The following PRDX6 variants were observed in gnomAD, a reference collection of about 807,000 sequenced individuals.
PRDX6 encodes the protein peroxiredoxin 6.
PRDX6 carries 13 observed loss-of-function variants against 20.0 expected under a neutral mutation model. That is an observed-to-expected ratio of 0.65 (90% CI 0.42 to 1.03). The LOEUF (loss-of-function observed/expected upper bound fraction) is 1.03, where lower values mean the gene tolerates loss of function less well. PRDX6 is among the 50% of genes least tolerant of loss of function. The pLI, the probability that PRDX6 is intolerant of heterozygous loss-of-function variation, is 0.00. For missense variants in PRDX6, 203 were observed against 276.9 expected, an observed-to-expected ratio of 0.73 and a Z score of 1.89; for synonymous variants, 85 against 100.8, an observed-to-expected ratio of 0.84 and a Z score of 0.94.
At chr1:173,487,271 C>A (rs944891231) in intron 4 of PRDX6, among the ~76,000 whole-genome samples, 1 of 152,118 alleles carries the variant, frequency 6.6e-6, no homozygotes, top group Non-Finnish European at 1.5e-5. Context: ...GAAGATGTGA[C>A]CAAGGCATGT....
Position 173,488,440 on chromosome 1 carries a change from A to G in PRDX6, c.*577A>G, listed in dbSNP as rs918179063. 2.0e-5 allele frequency: 3 copies of G among 152,088 alleles called. No homozygotes were observed. The highest frequency in any genetic ancestry group is 2.1e-4 in the South Asian group (1 of 4,820). The allele number at this position is 152,088 out of a possible 1,614,324, so 9.4% of individuals were successfully genotyped here. A position where few individuals can be genotyped will look rare whatever the true frequency, so the allele number is the denominator to read the frequency against. ...AATACATCTTGATCACAGCTGGGGG[A>G]AAAAAAGCTTTTTAATTCTATACCT... is the stretch of plus-strand genomic sequence containing the variant. On this transcript the variant is annotated 3_prime_UTR_variant, in exon 5 of 5. Coordinates refer to ENST00000340385, the MANE Select transcript of PRDX6 (RefSeq NM_004905.3).
chr1:173,487,981 T>TAC lies in PRDX6; in HGVS notation c.*119_*120dup. On this transcript the variant is annotated 3_prime_UTR_variant, in exon 5 of 5. Transcript: ENST00000340385. The stretch of plus-strand genomic sequence containing the variant: ...CACAGCCAAGGTTTTTAGGTTGCTA[T>TAC]ACCAATGGCTTATTAAATGAAAATG... 1 of 1,231,236 alleles carries TAC rather than the reference T, an allele frequency of 8.1e-7. No individual in the cohort carries two copies. Among genetic ancestry groups the TAC allele is most frequent in the Non-Finnish European group, 1.1e-6 (1 of 889,052 alleles). The allele number at this position is 1,231,236 out of a possible 1,614,324, so 76.3% of individuals were successfully genotyped here. A position where few individuals can be genotyped will look rare whatever the true frequency, so the allele number is the denominator to read the frequency against.
At chr1:173,481,232 G>T in intron 1 of PRDX6, 94 bp from the exon 2 acceptor site, 1 of 1,231,280 alleles carries the variant, frequency 8.1e-7, no homozygotes. Flanking sequence ...AAAAAAGAAA[G>T]CCTGTTTTTG....
chr1:173,482,585 T>C (rs1215059313), intron 2 of PRDX6, among the ~76,000 whole-genome samples: 1 of 152,260 alleles, frequency 6.6e-6, no homozygotes, highest in African/African-American at 2.4e-5. Flanking sequence ...TTTTAAGAAC[T>C]TGACTGCACT....
chr1:173,484,234 C>CAT lies in PRDX6; in HGVS notation c.253-1118_253-1117dup, dbSNP rs564365621. On this transcript the variant is annotated intron_variant, in intron 2 of 4. Transcript: ENST00000340385. ...TGCACACGTATATAATATATATACA[C>CAT]ATATATATATGTGTGTGTGCATATA... Among the ~76,000 whole-genome samples, 7 of 145,998 alleles carry CAT rather than the reference C, an allele frequency of 4.8e-5. No homozygotes were observed. In the East Asian group the frequency reaches 7.9e-4, roughly 16 times the overall value.
chr1:173,486,281 G>T lies in PRDX6; in HGVS notation c.426G>T (p.Lys142Asn). ...TGTTTGTTTTTGGTCCTGATAAGAA[G>T]CTGAAGCTGTCTATCCTCTACCCAG... is the stretch of plus-strand genomic sequence containing the variant. ...RVVFVFGPDK[K>N]LKLSILYPAT... The change falls in exon 4 of 5, where the codon AAG becomes AAT. Residue 142 changes from lysine (K) to asparagine (N), a missense_variant. Physicochemically the swap from Lys to Asn is moderately conservative, Grantham distance 94. Coordinates refer to ENST00000340385, the MANE Select transcript of PRDX6 (RefSeq NM_004905.3). 6.2e-7 allele frequency: 1 copy of T among 1,608,568 alleles called. No individual in the cohort carries two copies. The highest frequency in any genetic ancestry group is 8.5e-7 in the Non-Finnish European group (1 of 1,177,902).
intron 1 of PRDX6, 194 bp from the exon 2 acceptor site, chr1:173,481,132 A>G (rs1001717781): frequency 2.1e-5 from 12 of 573,694 alleles, no homozygotes; most frequent in African/African-American, 1.9e-4. Context: ...GAATTGGGCT[A>G]TAAGCATAGG....
At chr1:173,481,556 G>C in intron 2 of PRDX6, 74 bp downstream of exon 2, 1 of 1,480,512 alleles carries the variant, frequency 6.8e-7, no homozygotes, top group Non-Finnish European at 9.3e-7. Context: ...ACTTGGTTTT[G>C]AGGTTAAGGT....
intron 1 of PRDX6, among the ~76,000 whole-genome samples, chr1:173,478,766 T>TA (rs1026083764): frequency 1.3e-5 from 2 of 152,192 alleles, no homozygotes; most frequent in African/African-American, 4.8e-5. Context: ...GACAGATTCT[T>TA]ACACATCATA....
chr1:173,487,102 C>T (rs959859011), intron 4 of PRDX6, among the ~76,000 whole-genome samples: 6 of 152,104 alleles, frequency 3.9e-5, no homozygotes, highest in African/African-American at 1.4e-4. Context: ...ACTTCCATTC[C>T]AGTGAGTGGA....
At chr1:173,486,009 T>C (rs928132330) in intron 3 of PRDX6, among the ~76,000 whole-genome samples, 19 of 152,242 alleles carry the variant, frequency 1.2e-4, no homozygotes, top group Admixed American at 1.1e-3. Flanking sequence ...TAAATTTGCA[T>C]ATCAGTTTTT....
chr1:173,487,813 A>G lies in PRDX6; in HGVS notation c.625A>G (p.Lys209Glu). 1 of 1,613,932 alleles carries G rather than the reference A, an allele frequency of 6.2e-7. No homozygotes were observed. Among genetic ancestry groups the G allele is most frequent in the Non-Finnish European group, 8.5e-7 (1 of 1,180,028 alleles). ...KKLFPKGVFT[K>E]ELPSGKKYLR... is the part of the protein sequence containing the mutation. ...ACTTTTCCCGAAAGGAGTCTTCACC[A>G]AAGAGCTCCCATCTGGCAAGAAATA... is the stretch of plus-strand genomic sequence containing the variant. Residue 209 changes from lysine to glutamate, a missense_variant, in exon 5 of 5, where the codon AAA becomes GAA. Coordinates refer to ENST00000340385, the MANE Select transcript of PRDX6 (RefSeq NM_004905.3).
chr1:173,484,152 T>TTTATATATA (rs1557997404), intron 2 of PRDX6, among the ~76,000 whole-genome samples: 2 of 118,630 alleles, frequency 1.7e-5, no homozygotes, highest in African/African-American at 3.8e-5. Context: ...ATATATATAT[T>TTTATATATA]TATATATATA....
intron 2 of PRDX6, 84 bp from the exon 3 acceptor site, chr1:173,485,277 T>C: frequency 1.5e-6 from 2 of 1,346,326 alleles, no homozygotes; most frequent in East Asian, 2.4e-5. Flanking sequence ...CTTTCCTGTC[T>C]TGCAAGGTGA....
At chr1:173,482,831 C>G (rs1658827100) in intron 2 of PRDX6, among the ~76,000 whole-genome samples, 1 of 152,180 alleles carries the variant, frequency 6.6e-6, no homozygotes, top group Non-Finnish European at 1.5e-5. Flanking sequence ...CCTTACACTT[C>G]TCAGTGAGTG....
rs753319915 is a variant in PRDX6 at position 173,488,777 on chromosome 1, G to T, written c.*914G>T. On this transcript the variant is annotated 3_prime_UTR_variant, in exon 5 of 5. Coordinates refer to ENST00000340385, the MANE Select transcript of PRDX6 (RefSeq NM_004905.3). ...TATTTTCTAGATTTTACTTTTTAGG[G>T]AACAAAATAAAATCCTTTGTTAAAA... The T allele has an allele frequency of 6.6e-6, 1 of 152,150 alleles. No individual in the cohort carries two copies. The highest frequency in any genetic ancestry group is 1.5e-5 in the Non-Finnish European group (1 of 68,034). The allele number at this position is 152,150 out of a possible 1,614,324, so 9.4% of individuals were successfully genotyped here. A position where few individuals can be genotyped will look rare whatever the true frequency, so the allele number is the denominator to read the frequency against.
chr1:173,483,426 T>TA (rs1223841541), intron 2 of PRDX6, among the ~76,000 whole-genome samples: 1 of 152,134 alleles, frequency 6.6e-6, no homozygotes, highest in Non-Finnish European at 1.5e-5. Context: ...GAAGGAATGT[T>TA]ACAATTTGTT....
At chr1:173,483,439 C>T (rs1437332397) in intron 2 of PRDX6, among the ~76,000 whole-genome samples, 1 of 152,128 alleles carries the variant, frequency 6.6e-6, no homozygotes, top group South Asian at 2.1e-4. Context: ...AATTTGTTAT[C>T]ATCCGGGAGC....
chr1:173,487,282 A>G (rs1272289593), intron 4 of PRDX6, among the ~76,000 whole-genome samples: 1 of 152,236 alleles, frequency 6.6e-6, no homozygotes, highest in Non-Finnish European at 1.5e-5. Flanking sequence ...CAAGGCATGT[A>G]TACTTGTGAG....
Sources: gnomAD v4.1 joint callset for allele counts (sites outside exome capture counted in the v4.1 genomes callset) on GRCh38, gnomAD v4.1.1 for gene constraint, MANE v1.5 for transcripts, NCBI Gene and HGNC (gene_info 2026-07-23, HGNC 2026-07-21) for gene names.